The following ROBO1 variants were observed in gnomAD, a reference collection of about 807,000 sequenced individuals.
ROBO1 encodes roundabout homolog 1.
Under a neutral mutation model 195.9 loss-of-function variants are expected in ROBO1, and 149 were observed. The ratio of observed to expected loss-of-function variants is 0.76; its 90% CI spans 0.67 to 0.87. The LOEUF is 0.87. Among genes scored for constraint, ROBO1 ranks in the 40% least tolerant of loss-of-function variants. The probability of loss-of-function intolerance (pLI) is 0.00; values close to 1 mark genes in which losing one functional copy is unlikely to be tolerated. For synonymous variants in ROBO1, 816 were observed against 733.2 expected (o/e 1.11, Z -1.82); for missense variants, 1,933 against 2,068.3 (o/e 0.93, Z 1.27).
chr3:79,338,687 C>A (rs1012159098), intron 2 of ROBO1, among the ~76,000 whole-genome samples: 2 of 152,048 alleles, frequency 1.3e-5, no homozygotes, highest in Non-Finnish European at 2.9e-5. Context: ...TTGCTGGTAA[C>A]TTCTCAGCTT....
At chr3:79,436,558 G>C (rs1198015109) in intron 2 of ROBO1, among the ~76,000 whole-genome samples, 1 of 152,082 alleles carries the variant, frequency 6.6e-6, no homozygotes, top group Admixed American at 6.6e-5. Context: ...GCTTTGATCT[G>C]TAGGTTGTCA....
intron 1 of ROBO1, among the ~76,000 whole-genome samples, chr3:79,681,452 C>G (rs1289729371): frequency 6.6e-6 from 1 of 151,726 alleles, no homozygotes; most frequent in Non-Finnish European, 1.5e-5. Context: ...GTGCCAGAGG[C>G]CACTGGGAAA....
In ROBO1 at chr3:78,597,240, G is replaced by A. The variant is rs144605599; in HGVS notation, c.*1673C>T. ...AGAAATCAACACAAGAAAGAAAGAT[G>A]TATTTGAGAACATTTTTAATAAATA... is the stretch of plus-strand genomic sequence containing the variant. On this transcript the variant is annotated 3_prime_UTR_variant, in exon 31 of 31. Transcript: ENST00000464233. 209 of 152,590 alleles carry A rather than the reference G, an allele frequency of 1.4e-3. No homozygotes were observed. The highest frequency in any genetic ancestry group is 2.2e-3 in the Non-Finnish European group (151 of 67,966). The allele number at this position is 152,590 out of a possible 1,614,324, so 9.5% of individuals were successfully genotyped here.
intron 19 of ROBO1, 36 bp downstream of exon 19, chr3:78,651,696 A>C (rs1706669537): frequency 1.4e-6 from 2 of 1,453,942 alleles, no homozygotes; most frequent in Non-Finnish European, 1.8e-6. Flanking sequence ...GAGTTTTATA[A>C]ACATTAAAAT....
chr3:79,108,776 C>T (rs1466387888), intron 3 of ROBO1, among the ~76,000 whole-genome samples: 3 of 151,686 alleles, frequency 2.0e-5, no homozygotes, highest in Non-Finnish European at 4.4e-5. Context: ...GTGGCAAACC[C>T]CTATTCTAGG....
At chr3:79,283,805 C>T (rs1211002063) in intron 2 of ROBO1, among the ~76,000 whole-genome samples, 6 of 151,112 alleles carry the variant, frequency 4.0e-5, no homozygotes, top group Non-Finnish European at 8.8e-5. Flanking sequence ...TCACGCCATT[C>T]TCCTGCCTCA....
intron 3 of ROBO1, among the ~76,000 whole-genome samples, chr3:78,953,124 C>T (rs768287215): frequency 3.9e-5 from 6 of 152,016 alleles, no homozygotes; most frequent in Non-Finnish European, 8.8e-5. Context: ...GTTAATAATA[C>T]ATAGACAACT....
chr3:79,023,033 AAT>A (rs944454833), intron 3 of ROBO1, among the ~76,000 whole-genome samples: 81 of 152,306 alleles, frequency 5.3e-4, no homozygotes, highest in African/African-American at 1.8e-3. Flanking sequence ...GTAGGAGTGA[AAT>A]AGAGTTCCTA....
At chr3:78,702,566 T>C (rs909913368) in intron 8 of ROBO1, among the ~76,000 whole-genome samples, 5 of 152,202 alleles carry the variant, frequency 3.3e-5, no homozygotes, top group African/African-American at 1.2e-4. Flanking sequence ...AAAATGAACA[T>C]TTTAAAATGT....
chr3:79,154,129 C>G (rs546229365), intron 2 of ROBO1, among the ~76,000 whole-genome samples: 10 of 151,766 alleles, frequency 6.6e-5, no homozygotes, highest in Non-Finnish European at 1.0e-4. Flanking sequence ...GTCTTGTAAT[C>G]TAGCATCTAA....
chr3:78,629,849 T>C (rs1705071284), intron 25 of ROBO1, among the ~76,000 whole-genome samples: 1 of 152,184 alleles, frequency 6.6e-6, no homozygotes, highest in Non-Finnish European at 1.5e-5. Context: ...CTGATGTGCA[T>C]GTTCCCAGCT....
At chr3:78,840,911 A>C (rs2033145991) in intron 4 of ROBO1, among the ~76,000 whole-genome samples, 1 of 151,394 alleles carries the variant, frequency 6.6e-6, no homozygotes, top group East Asian at 2.0e-4. Flanking sequence ...AAATACAAAA[A>C]ATTAGCTGGG....
chr3:78,638,745 G>A (rs771567469), intron 22 of ROBO1, among the ~76,000 whole-genome samples: 19 of 151,908 alleles, frequency 1.3e-4, no homozygotes, highest in East Asian at 1.9e-4. Flanking sequence ...ATGGTGGTGC[G>A]TGCCTGTGAT....
chr3:79,692,055 G>T (rs1031213339), intron 1 of ROBO1, among the ~76,000 whole-genome samples: 13 of 151,824 alleles, frequency 8.6e-5, no homozygotes, highest in African/African-American at 2.7e-4. Context: ...CCTTCTGGTA[G>T]ACAGGACTAT....
At chr3:78,636,198 A>T (rs553008219) in intron 22 of ROBO1, 90 bp from the exon 23 acceptor site, 5 of 938,140 alleles carry the variant, frequency 5.3e-6, no homozygotes, top group Non-Finnish European at 7.9e-6. Context: ...AGTCATCAGA[A>T]AATCGTTATG....
chr3:78,862,293 G>A (rs1423410494), intron 4 of ROBO1, among the ~76,000 whole-genome samples: 3 of 152,082 alleles, frequency 2.0e-5, no homozygotes, highest in Non-Finnish European at 4.4e-5. Context: ...ACCAGCCTCT[G>A]AATGACAGGA....
chr3:79,692,602 G>A (rs991309770), intron 1 of ROBO1, among the ~76,000 whole-genome samples: 5 of 151,712 alleles, frequency 3.3e-5, no homozygotes, highest in Non-Finnish European at 7.4e-5. Flanking sequence ...CACGGATAGT[G>A]GGTTCTAAAA....
intron 4 of ROBO1, among the ~76,000 whole-genome samples, chr3:78,836,878 A>C (rs547530999): frequency 6.6e-6 from 1 of 152,310 alleles, no homozygotes; most frequent in East Asian, 1.9e-4. Flanking sequence ...TACTAAAAGA[A>C]AGGGGAAGCA....
At chr3:79,122,738 T>C (rs1419307853) in intron 3 of ROBO1, among the ~76,000 whole-genome samples, 2 of 151,924 alleles carry the variant, frequency 1.3e-5, no homozygotes, top group Non-Finnish European at 2.9e-5. Context: ...GTTTTTAGTA[T>C]TGAAAAAAAG....
Sources: allele counts gnomAD v4.1 joint callset (sites outside exome capture counted in the v4.1 genomes callset), GRCh38; gene constraint gnomAD v4.1.1; transcripts MANE v1.5; gene names NCBI Gene and HGNC (gene_info 2026-07-23, HGNC 2026-07-21).